The following AOPEP variants were observed in gnomAD, a reference collection of about 807,000 sequenced individuals.
AOPEP encodes the protein aminopeptidase O.
A neutral mutation model predicts 98.1 loss-of-function variants in AOPEP; 77 were observed. The ratio of observed to expected loss-of-function variants is 0.78; its 90% confidence interval spans 0.65 to 0.95. The LOEUF (loss-of-function observed/expected upper bound fraction) is 0.95, where lower values mean the gene tolerates loss of function less well. AOPEP is among the 40% of genes least tolerant of loss of function. The pLI is 0.00. For missense variants in AOPEP, 1,024 were observed against 1,024.7 expected (o/e 1.00, Z 0.01); for synonymous variants, 346 against 365.3 (o/e 0.95, Z 0.60).
chr9:95,080,793 T>G lies in AOPEP; in HGVS notation c.2319+13T>G, dbSNP rs1478391911. On this transcript the variant is annotated intron_variant, in intron 15 of 16. Transcript: ENST00000375315. ...TCAGGAGGATCAGGTAGGTGTCATC[T>G]TTCAGCAGATGGGGATTCTGTAAAG... is the stretch of plus-strand genomic sequence containing the variant. 1 of 1,581,720 alleles carries G rather than the reference T, an allele frequency of 6.3e-7. No homozygotes were observed. Among genetic ancestry groups the G allele is most frequent in the South Asian group, 1.1e-5 (1 of 90,382 alleles).
At chr9:94,785,047 G>T (rs1371776056) in intron 3 of AOPEP, among the ~76,000 whole-genome samples, 2 of 152,198 alleles carry the variant, frequency 1.3e-5, no homozygotes, top group African/African-American at 4.8e-5. Flanking sequence ...TGATTCTCCA[G>T]CCTCAGCCTC....
chr9:95,002,378 G>A (rs1183571265), intron 11 of AOPEP, among the ~76,000 whole-genome samples: 1 of 152,042 alleles, frequency 6.6e-6, no homozygotes, highest in Non-Finnish European at 1.5e-5. Flanking sequence ...TTTCTTCTTG[G>A]GGCATAAAAT....
chr9:94,945,093 T>A (rs1417116076), intron 7 of AOPEP, among the ~76,000 whole-genome samples: 1 of 152,144 alleles, frequency 6.6e-6, no homozygotes, highest in Non-Finnish European at 1.5e-5. Context: ...TTTCCAGCGT[T>A]GGATGGATGG....
chr9:94,880,216 T>C (rs192612626), intron 5 of AOPEP, among the ~76,000 whole-genome samples: 1 of 152,338 alleles, frequency 6.6e-6, no homozygotes, highest in African/African-American at 2.4e-5. Context: ...CATAACGATC[T>C]GTGATGATAA....
At chr9:94,873,090 G>A (rs1399304184) in intron 5 of AOPEP, among the ~76,000 whole-genome samples, 3 of 151,976 alleles carry the variant, frequency 2.0e-5, no homozygotes, top group Non-Finnish European at 4.4e-5. Flanking sequence ...AAGGCAACAA[G>A]GAAAGGGTGG....
intron 1 of AOPEP, among the ~76,000 whole-genome samples, chr9:94,756,155 G>A (rs555091840): frequency 6.6e-6 from 1 of 151,936 alleles, no homozygotes; most frequent in African/African-American, 2.4e-5. Context: ...AGCTACTTGG[G>A]AGGCTGAGGC....
At chr9:95,025,677 T>G (rs1184687587) in intron 13 of AOPEP, among the ~76,000 whole-genome samples, 1 of 152,240 alleles carries the variant, frequency 6.6e-6, no homozygotes, top group Non-Finnish European at 1.5e-5. Context: ...AACATAACTT[T>G]GAAGTTTGGG....
At chr9:95,045,530 T>C (rs1239870810) in intron 13 of AOPEP, among the ~76,000 whole-genome samples, 3 of 152,216 alleles carry the variant, frequency 2.0e-5, no homozygotes, top group Admixed American at 1.3e-4. Context: ...CACCTTCCAG[T>C]GCGGTCAAGG....
At chr9:95,005,850 A>T (rs897746377) in intron 13 of AOPEP, 1 of 589,398 alleles carries the variant, frequency 1.7e-6, no homozygotes, top group Non-Finnish European at 3.1e-6. Context: ...TGCTCATTAA[A>T]TACAGCAATC....
chr9:94,919,479 C>T (rs1209737655), intron 5 of AOPEP, among the ~76,000 whole-genome samples: 1 of 152,156 alleles, frequency 6.6e-6, no homozygotes, highest in Non-Finnish European at 1.5e-5. Flanking sequence ...TGGGCCACCC[C>T]CCCACTTTGG....
chr9:94,855,033 T>C (rs1189016084), intron 5 of AOPEP, among the ~76,000 whole-genome samples: 1 of 152,226 alleles, frequency 6.6e-6, no homozygotes, highest in African/African-American at 2.4e-5. Flanking sequence ...TGCTCATAGA[T>C]ATGAACCTAT....
intron 7 of AOPEP, among the ~76,000 whole-genome samples, chr9:94,941,891 A>AT (rs1395064625): frequency 6.6e-6 from 1 of 152,142 alleles, no homozygotes. Context: ...ACTTTGGTTA[A>AT]TTTTTTTCAA....
At chr9:94,783,165 A>G (rs1843660408) in intron 3 of AOPEP, among the ~76,000 whole-genome samples, 1 of 152,214 alleles carries the variant, frequency 6.6e-6, no homozygotes, top group African/African-American at 2.4e-5. Flanking sequence ...CTGGTGGGGC[A>G]TATTCCTTTA....
intron 5 of AOPEP, among the ~76,000 whole-genome samples, chr9:94,907,680 T>G (rs913605270): frequency 1.3e-5 from 2 of 152,170 alleles, no homozygotes; most frequent in African/African-American, 4.8e-5. Context: ...TAGAGTGCAG[T>G]TCTCCTTCCA....
At chr9:94,925,070 C>A (rs2054106170) in intron 6 of AOPEP, among the ~76,000 whole-genome samples, 1 of 152,226 alleles carries the variant, frequency 6.6e-6, no homozygotes, top group South Asian at 2.1e-4. Flanking sequence ...TGGCTCACTG[C>A]AACCTCCACC....
chr9:95,132,474 C>A, the AOPEP span, among the ~76,000 whole-genome samples: 3 of 152,124 alleles, frequency 2.0e-5, no homozygotes, highest in African/African-American at 7.2e-5. Context: ...TCTTCCCGTG[C>A]CCATGCTGTC....
chr9:94,849,853 G>A (rs1157032879), intron 5 of AOPEP, among the ~76,000 whole-genome samples: 1 of 152,078 alleles, frequency 6.6e-6, no homozygotes, highest in Non-Finnish European at 1.5e-5. Context: ...TGGCCAACAT[G>A]GCAAAACCCC....
intron 11 of AOPEP, among the ~76,000 whole-genome samples, chr9:94,988,437 A>AT (rs1329839559): frequency 6.6e-6 from 1 of 152,206 alleles, no homozygotes; most frequent in Non-Finnish European, 1.5e-5. Flanking sequence ...CATTTGAGAC[A>AT]TTTTTCCTGT....
the AOPEP span, among the ~76,000 whole-genome samples, chr9:95,138,410 A>AGG: frequency 6.6e-6 from 1 of 152,136 alleles, no homozygotes; most frequent in Non-Finnish European, 1.5e-5. Context: ...AGCCCTGGAG[A>AGG]GGGGTTCCTG....
Sources: allele counts gnomAD v4.1 joint callset (sites outside exome capture counted in the v4.1 genomes callset), GRCh38; gene constraint gnomAD v4.1.1; transcripts MANE v1.5; gene names NCBI Gene and HGNC (gene_info 2026-07-23, HGNC 2026-07-21).